Variants in LPIN2 observed in about 807,000 individuals in gnomAD.
LPIN2 encodes lipin 2.
In LPIN2, 55 loss-of-function variants were observed where a neutral mutation model predicts 111.4. That is an observed-to-expected ratio of 0.49 (90% CI 0.40 to 0.62). The LOEUF is 0.62. Ranked by LOEUF, LPIN2 falls within the 20% of genes least tolerant of loss-of-function variation. LPIN2 has a pLI of 0.00. For missense variants in LPIN2, 992 were observed against 1,112.1 expected (o/e 0.89, Z 1.54); for synonymous variants, 425 against 414.0 (o/e 1.03, Z -0.32).
chr18:2,930,679 G>C (rs746296456), intron 9 of LPIN2, among the ~76,000 whole-genome samples: 4 of 152,300 alleles, frequency 2.6e-5, no homozygotes, highest in Admixed American at 6.5e-5. Flanking sequence ...AATTGAGGAC[G>C]GATGCACATG....
At chr18:3,007,002 TAA>T (rs577110033) in intron 1 of LPIN2, among the ~76,000 whole-genome samples, 2 of 142,808 alleles carry the variant, frequency 1.4e-5, no homozygotes, top group African/African-American at 5.2e-5. Flanking sequence ...CTTGTCTCTT[TAA>T]AAAAAAAAAA....
At chr18:3,012,264 C>T (rs2078616692) in intron 1 of LPIN2, among the ~76,000 whole-genome samples, 1 of 152,206 alleles carries the variant, frequency 6.6e-6, no homozygotes, top group South Asian at 2.1e-4. Context: ...AAAGCATTTC[C>T]AAGTATTCAG....
intron 1 of LPIN2, among the ~76,000 whole-genome samples, chr18:3,008,364 C>CAA (rs2078548434): frequency 6.6e-6 from 1 of 152,186 alleles, no homozygotes; most frequent in African/African-American, 2.4e-5. Context: ...ATCGCTTGAG[C>CAA]CCTAGAAGCG....
rs138843318 is a variant in LPIN2 at position 2,950,987 on chromosome 18, T to C, written c.590+68A>G. 505 of 1,558,380 alleles carry C rather than the reference T, an allele frequency of 3.2e-4. 3 individuals are homozygous for C. In the African/African-American group the frequency reaches 5.3e-3, roughly 16 times the overall value. ...TCACACTGTGTATCCATAAAAAAAC[T>C]GGCAGCTCCTGGCTTCACATGAACT... On this transcript the variant is annotated intron_variant, in intron 4 of 19. Transcript: ENST00000677752.
intron 1 of LPIN2, among the ~76,000 whole-genome samples, chr18:2,975,095 T>C (rs1385178318): frequency 1.3e-5 from 2 of 152,222 alleles, no homozygotes; most frequent in Non-Finnish European, 2.9e-5. Flanking sequence ...GTTATATTCA[T>C]TGTACTAATA....
chr18:2,968,744 G>A (rs1045666516), intron 1 of LPIN2, among the ~76,000 whole-genome samples: 1 of 152,208 alleles, frequency 6.6e-6, no homozygotes, highest in Non-Finnish European at 1.5e-5. Flanking sequence ...TGAGGGACAA[G>A]AGTGAGATGC....
At chr18:2,972,122 C>T (rs889094661) in intron 1 of LPIN2, among the ~76,000 whole-genome samples, 13 of 152,248 alleles carry the variant, frequency 8.5e-5, no homozygotes, top group African/African-American at 3.1e-4. Flanking sequence ...GTCCCAAAAG[C>T]AATGCCCATG....
intron 1 of LPIN2, among the ~76,000 whole-genome samples, chr18:2,970,315 C>T (rs534214659): frequency 1.9e-4 from 29 of 152,302 alleles, no homozygotes; most frequent in Non-Finnish European, 1.3e-4. Flanking sequence ...GTCTATAATA[C>T]GGGACCCAGG....
chr18:2,978,321 C>A (rs113359283), intron 1 of LPIN2, among the ~76,000 whole-genome samples: 2 of 152,056 alleles, frequency 1.3e-5, no homozygotes, highest in Non-Finnish European at 2.9e-5. Flanking sequence ...AGTAGAGAAA[C>A]CTGGAAGACA....
In LPIN2 at chr18:2,919,742, T is replaced by G. The variant is rs1598516054; in HGVS notation, c.*551A>C. The G allele has an allele frequency of 5.8e-6, 1 of 171,240 alleles. No homozygotes were observed. Among genetic ancestry groups the G allele is most frequent in the South Asian group, 1.4e-4 (1 of 7,290 alleles). The allele number at this position is 171,240 out of a possible 1,614,324, so 10.6% of individuals were successfully genotyped here. A position where few individuals can be genotyped will look rare whatever the true frequency, so the allele number is the denominator to read the frequency against. On this transcript the variant is annotated 3_prime_UTR_variant, in exon 20 of 20. Transcript: ENST00000677752. ...TGCATGGGCCCTGCAGGGGCGGGGGTCCTGCCCAACTTGGCCCACTGGAGC... is the reference window on the plus strand; with the variant it reads ...TGCATGGGCCCTGCAGGGGCGGGGGGCCTGCCCAACTTGGCCCACTGGAGC...
intron 2 of LPIN2, among the ~76,000 whole-genome samples, chr18:2,960,424 C>T (rs1187294989): frequency 6.6e-6 from 1 of 151,552 alleles, no homozygotes; most frequent in Non-Finnish European, 1.5e-5. Flanking sequence ...GAAGAGACTT[C>T]TGCAGTCGAG....
chr18:2,960,761 A>T lies in LPIN2; in HGVS notation c.80T>A (p.Leu27His). The T allele has an allele frequency of 1.2e-6, 2 of 1,614,116 alleles. No homozygotes were observed. Among genetic ancestry groups the T allele is most frequent in the Non-Finnish European group, 1.7e-6 (2 of 1,180,006 alleles). Residue 27 changes from leucine to histidine, a missense_variant, in exon 2 of 20, where the codon CTC (leucine) becomes CAC (histidine). Physicochemically the swap from Leu to His is moderately conservative, Grantham distance 99 (BLOSUM62 -3). This residue lies in a region of LPIN2 where 67 missense variants were observed against 112.1 expected (regional missense o/e 0.60). Transcript: ENST00000677752. Reference sequence around the variant, plus strand: ...CACGATGACATCAATGCACCCAGAGAGGGTGGCCTGGTTAATGCCCTTGTA... The same window carrying T: ...CACGATGACATCAATGCACCCAGAGTGGGTGGCCTGGTTAATGCCCTTGTA... The part of the protein sequence containing the change: ...ELYKGINQAT[L>H]SGCIDVIVVQ...
chr18:2,932,035 G>GT (rs2077218964), intron 8 of LPIN2, among the ~76,000 whole-genome samples: 1 of 152,170 alleles, frequency 6.6e-6, no homozygotes, highest in Admixed American at 6.5e-5. Flanking sequence ...TAAACTGGAT[G>GT]TAACTGTTAT....
chr18:2,951,198 T>TG lies in LPIN2; in HGVS notation c.446dup (p.Ser150LysfsTer18). On this transcript the variant is annotated frameshift_variant, in exon 4 of 20. Coordinates refer to ENST00000677752, the MANE Select transcript of LPIN2 (RefSeq NM_001375808.2). LOFTEE classifies it high-confidence loss of function. ...TTCGTTTTTTCTTTTTCACAGAACT[T>TG]GGAGTAAAAATTGTCTCTGTTTCCA... 7 of 1,614,174 alleles carry TG rather than the reference T, an allele frequency of 4.3e-6. No individual in the cohort carries two copies. The highest frequency in any genetic ancestry group is 5.9e-6 in the Non-Finnish European group (7 of 1,180,024).
At chr18:3,006,564 G>C (rs536057312) in intron 1 of LPIN2, among the ~76,000 whole-genome samples, 1 of 152,140 alleles carries the variant, frequency 6.6e-6, no homozygotes, top group Admixed American at 6.5e-5. Context: ...TGGGCCGGGC[G>C]CAGCGGCTCA....
intron 17 of LPIN2, 31 bp downstream of exon 17, chr18:2,922,016 G>A (rs1044723391): frequency 1.9e-6 from 3 of 1,603,104 alleles, no homozygotes; most frequent in Non-Finnish European, 2.6e-6. Context: ...TGCTGGGGCG[G>A]TGGGCAGAGG....
chr18:3,010,416 G>A (rs2078583462), intron 1 of LPIN2, among the ~76,000 whole-genome samples: 1 of 152,138 alleles, frequency 6.6e-6, no homozygotes, highest in Non-Finnish European at 1.5e-5. Context: ...CAACTTGTGA[G>A]TTGTTTCATC....
chr18:2,985,945 A>G (rs992651254), intron 1 of LPIN2, among the ~76,000 whole-genome samples: 1 of 152,234 alleles, frequency 6.6e-6, no homozygotes, highest in Non-Finnish European at 1.5e-5. Flanking sequence ...AGAATTTCAT[A>G]ATACCCACCG....
chr18:2,947,510 A>G (rs1269836566), intron 4 of LPIN2, among the ~76,000 whole-genome samples: 2 of 152,186 alleles, frequency 1.3e-5, no homozygotes, highest in Non-Finnish European at 2.9e-5. Context: ...ATTTCCAGAA[A>G]TGAGTTTCTT....
Sources: gnomAD v4.1 joint callset for allele counts (sites outside exome capture counted in the v4.1 genomes callset) on GRCh38, gnomAD v4.1.1 for gene constraint, gnomAD v4.1.1 regional missense constraint, MANE v1.5 for transcripts, NCBI Gene and HGNC (gene_info 2026-07-23, HGNC 2026-07-21) for gene names.